Variants in TTC28 observed in about 807,000 individuals in gnomAD.
TTC28 encodes the protein tetratricopeptide repeat protein 28.
Under a neutral mutation model 198.0 loss-of-function variants are expected in TTC28, and 61 were observed. That is an observed-to-expected ratio of 0.31 (90% confidence interval 0.25 to 0.38). The LOEUF is 0.38. Among genes scored for constraint, TTC28 ranks in the 10% least tolerant of loss-of-function variants. The pLI, the probability that TTC28 is intolerant of heterozygous loss-of-function variation, is 1.00. For synonymous variants in TTC28, 1,171 were observed against 1,297.8 expected (o/e 0.90, Z 2.10); for missense variants, 2,678 against 3,164.0 (o/e 0.85, Z 3.69).
intron 5 of TTC28, among the ~76,000 whole-genome samples, chr22:28,181,871 AAAAC>A (rs370898921): frequency 1.3e-5 from 2 of 152,250 alleles, no homozygotes; most frequent in East Asian, 1.9e-4. Context: ...CTGTTTCTCA[AAAAC>A]AAACAAACAA....
chr22:28,674,817 C>CAAAAA (rs34351638), intron 1 of TTC28, among the ~76,000 whole-genome samples: 1 of 96,588 alleles, frequency 1.0e-5, no homozygotes, highest in Admixed American at 1.1e-4. Context: ...ACTCTGTCTC[C>CAAAAA]AAAAAAAAAA....
At position 28,674,182 on chromosome 22, in the gene TTC28, G is replaced by A. The variant is rs182154181; in HGVS notation, c.102+5440C>T. 2.1e-3 allele frequency among the ~76,000 whole-genome samples: 318 copies of A among 151,478 alleles called. 2 individuals are homozygous for A. The South Asian group carries it at 0.028, about 13-fold the overall frequency. ...TGTCTTCTTTAGTGGTTCCTCAAGC[G>A]CTCACAGGGATTTCTTGGGTCGTAG... is the stretch of plus-strand genomic sequence containing the variant. On this transcript the variant is annotated intron_variant, in intron 1 of 22. Transcript: ENST00000397906.
chr22:28,442,364 G>A (rs1244412829), intron 2 of TTC28, among the ~76,000 whole-genome samples: 3 of 152,250 alleles, frequency 2.0e-5, no homozygotes, highest in Non-Finnish European at 4.4e-5. Flanking sequence ...AGGCCTCTCG[G>A]CCCGCCGCCC....
intron 12 of TTC28, among the ~76,000 whole-genome samples, chr22:28,054,900 C>T (rs928005586): frequency 3.9e-5 from 6 of 152,182 alleles, no homozygotes; most frequent in Admixed American, 3.9e-4. Context: ...ACTTCCAGCT[C>T]TAAAATGTTA....
At chr22:27,984,597 C>T (rs1220326608) in intron 22 of TTC28, among the ~76,000 whole-genome samples, 2 of 152,138 alleles carry the variant, frequency 1.3e-5, no homozygotes, top group African/African-American at 4.8e-5. Flanking sequence ...ACTCCAAACT[C>T]ACGTACCAGC....
At chr22:28,384,568 C>T (rs2046545589) in intron 2 of TTC28, among the ~76,000 whole-genome samples, 1 of 152,230 alleles carries the variant, frequency 6.6e-6, no homozygotes, top group Non-Finnish European at 1.5e-5. Flanking sequence ...GTATCAGTTA[C>T]ATAGTAAGTA....
At chr22:28,373,486 G>C (rs2145998540) in intron 2 of TTC28, among the ~76,000 whole-genome samples, 1 of 152,260 alleles carries the variant, frequency 6.6e-6, no homozygotes, top group South Asian at 2.1e-4. Flanking sequence ...AAGAAGTTCA[G>C]AATCTACAGA....
intron 2 of TTC28, among the ~76,000 whole-genome samples, chr22:28,466,855 A>ACACACACACC (rs912322558): frequency 9.5e-5 from 14 of 147,722 alleles, no homozygotes; most frequent in East Asian, 2.0e-4. Flanking sequence ...ACACACACAC[A>ACACACACACC]CCCCTATGCC....
chr22:28,467,628 G>A (rs752165465), intron 2 of TTC28, among the ~76,000 whole-genome samples: 2 of 152,142 alleles, frequency 1.3e-5, no homozygotes, highest in Non-Finnish European at 2.9e-5. Flanking sequence ...TTCTCAATTA[G>A]TCTTCACTAT....
chr22:28,151,340 C>T (rs1202366365), intron 6 of TTC28, among the ~76,000 whole-genome samples: 5 of 152,218 alleles, frequency 3.3e-5, no homozygotes, highest in Non-Finnish European at 7.3e-5. Flanking sequence ...CCAGACTCTG[C>T]CTGCTGGAGA....
At chr22:28,416,422 A>T (rs1042973892) in intron 2 of TTC28, among the ~76,000 whole-genome samples, 4 of 152,196 alleles carry the variant, frequency 2.6e-5, no homozygotes, top group Admixed American at 2.0e-4. Flanking sequence ...GATGTGATGG[A>T]AATTATTTCA....
chr22:27,997,874 A>C (rs1937580086), intron 16 of TTC28: 1 of 152,444 alleles, frequency 6.6e-6, no homozygotes, highest in Non-Finnish European at 1.5e-5. Context: ...ACCCCAGGGG[A>C]AGCAGGTTGT....
In TTC28 at chr22:28,297,842, C is replaced by T. The variant is rs1174983370; in HGVS notation, c.540G>A (p.Glu180=). ...AMKSPMRDSL[E]PTYQQLQKMK... is the part of the protein sequence containing the mutation. ...TTTTCTGAAGCTGCTGATAAGTGGG[C>T]TCGAGGGAGTCTGAAAATAAACAAC... The change falls in exon 4 of 23, where the codon GAG becomes GAA. Residue 180 remains glutamate, a synonymous_variant. Coordinates refer to ENST00000397906, the MANE Select transcript of TTC28 (RefSeq NM_001145418.2). 2.6e-6 allele frequency: 4 copies of T among 1,550,976 alleles called. No homozygotes were observed. The South Asian group carries it at 3.6e-5, about 14-fold the overall frequency.
intron 15 of TTC28, 28 bp downstream of exon 15, chr22:28,001,346 G>A (rs941474316): frequency 8.7e-5 from 133 of 1,528,436 alleles, no homozygotes; most frequent in Admixed American, 2.0e-4. Flanking sequence ...ACAAGCCCCC[G>A]GCCCCCCACC....
chr22:28,611,170 C>T (rs1652360580), intron 2 of TTC28, among the ~76,000 whole-genome samples: 1 of 152,190 alleles, frequency 6.6e-6, no homozygotes, highest in African/African-American at 2.4e-5. Context: ...TCCAAGAGAA[C>T]TTCCCCAACC....
chr22:28,599,508 G>C (rs2050603450), intron 2 of TTC28, among the ~76,000 whole-genome samples: 1 of 152,220 alleles, frequency 6.6e-6, no homozygotes, highest in Non-Finnish European at 1.5e-5. Context: ...CTATGAGCAA[G>C]CTGGGCGTGG....
intron 2 of TTC28, among the ~76,000 whole-genome samples, chr22:28,575,873 G>A (rs1032787962): frequency 2.0e-5 from 3 of 152,044 alleles, no homozygotes; most frequent in African/African-American, 7.2e-5. Context: ...CAACTTTACT[G>A]AATTTATCAG....
chr22:28,654,051 AG>A (rs2051605786), intron 1 of TTC28, among the ~76,000 whole-genome samples: 1 of 152,286 alleles, frequency 6.6e-6, no homozygotes, highest in African/African-American at 2.4e-5. Flanking sequence ...AAAATGAGAG[AG>A]AAGAGAGAAG....
chr22:28,015,130 T>C (rs1938313371), intron 13 of TTC28, among the ~76,000 whole-genome samples: 1 of 152,264 alleles, frequency 6.6e-6, no homozygotes, highest in Non-Finnish European at 1.5e-5. Flanking sequence ...CTCATTCATT[T>C]GGAAAATTTT....
Sources: gnomAD v4.1 joint callset for allele counts (sites outside exome capture counted in the v4.1 genomes callset) on GRCh38, gnomAD v4.1.1 for gene constraint, MANE v1.5 for transcripts, NCBI Gene and HGNC (gene_info 2026-07-23, HGNC 2026-07-21) for gene names.